The following COL5A1 variants were observed in gnomAD, a reference collection of about 807,000 sequenced individuals.
COL5A1 encodes the protein collagen type V alpha 1 chain, also known as collagen alpha-1(V) chain.
Under a neutral mutation model 263.7 loss-of-function variants are expected in COL5A1, and 16 were observed. That is an observed-to-expected ratio of 0.06 (90% confidence interval 0.04 to 0.09). The LOEUF is 0.09. Among genes scored for constraint, COL5A1 ranks in the 10% least tolerant of loss-of-function variants. COL5A1 has a pLI of 1.00. For missense variants in COL5A1, 2,036 were observed against 2,540.5 expected (o/e 0.80, Z 4.27); for synonymous variants, 1,012 against 1,004.5 (o/e 1.01, Z -0.14).
rs543497705 is a variant in COL5A1, at chr9:134,803,736, G to C, written c.3114+741G>C. Among the ~76,000 whole-genome samples, 5 of 152,156 alleles carry C rather than the reference G, an allele frequency of 3.3e-5. No homozygotes were observed. In the East Asian group the frequency reaches 7.7e-4, roughly 24 times the overall value. The stretch of plus-strand genomic sequence containing the variant: ...CGGGCGCCTGTAGTCCCAGCTACTC[G>C]GGAGGCTGAGGCAGCAGAATGGTGT... On this transcript the variant is annotated intron_variant, in intron 39 of 65. Transcript: ENST00000371817.
At position 134,789,416 on chromosome 9, in the gene COL5A1, G is replaced by C. The variant is rs1226614959; in HGVS notation, c.2700+208G>C. ...GGGCTGGGCAGGTATGTGATAGGAA[G>C]GGGCAGAGGCAGGAAGGAAGTGTGC... On this transcript the variant is annotated intron_variant, in intron 32 of 65. Coordinates refer to ENST00000371817, the MANE Select transcript of COL5A1 (RefSeq NM_000093.5). The surrounding 1 kb of genome is among the most constrained non-coding windows in gnomAD (Gnocchi z 4.8). 6.6e-6 allele frequency among the ~76,000 whole-genome samples: 1 copy of C among 152,190 alleles called. No homozygotes were observed. Among genetic ancestry groups the C allele is most frequent in the Non-Finnish European group, 1.5e-5 (1 of 68,034 alleles).
At chr9:134,658,078 T>C (rs1292964517) in intron 1 of COL5A1, among the ~76,000 whole-genome samples, 1 of 151,922 alleles carries the variant, frequency 6.6e-6, no homozygotes, top group Non-Finnish European at 1.5e-5. Context: ...CTTGCCACCG[T>C]CAGGGGACGG....
In COL5A1 at chr9:134,761,113, A is replaced by C. The variant is rs540625971; in HGVS notation, c.1936-812A>C. ...CACACCCCACACATGCACACAACCC[A>C]CACATGCACACTCATACCCCCACAT... On this transcript the variant is annotated intron_variant, in intron 18 of 65. Coordinates refer to ENST00000371817, the MANE Select transcript of COL5A1 (RefSeq NM_000093.5). 3.7e-4 allele frequency among the ~76,000 whole-genome samples: 52 copies of C among 141,898 alleles called. No individual in the cohort carries two copies. The Middle Eastern group carries it at 0.012, about 32-fold the overall frequency. The allele number at this position is 141,898 out of a possible 152,430, so 93.1% of individuals were successfully genotyped here.
In COL5A1 at chr9:134,676,998, T is replaced by C. The variant is rs141672102; in HGVS notation, c.110-13914T>C. Among the ~76,000 whole-genome samples the C allele has an allele frequency of 5.7e-3, 869 of 152,268 alleles. 8 individuals are homozygous for C. The highest frequency in any genetic ancestry group is 0.02 in the African/African-American group (825 of 41,544). On this transcript the variant is annotated intron_variant, in intron 1 of 65. Transcript: ENST00000371817. ...CTAAAGGAGCTCACGGTCTGGGAAA[T>C]AGCAAGTCCCTTGGAGCACCTGCTG...
At chr9:134,808,566 CGT>C (rs1040502558) in intron 42 of COL5A1, among the ~76,000 whole-genome samples, 32 of 149,296 alleles carry the variant, frequency 2.1e-4, no homozygotes, top group African/African-American at 7.5e-4. Context: ...CATATTCACA[CGT>C]GTGCACATGT....
intron 7 of COL5A1, 92 bp from the exon 8 acceptor site, chr9:134,731,403 AC>A: frequency 7.7e-7 from 1 of 1,294,520 alleles, no homozygotes; most frequent in South Asian, 1.2e-5. Flanking sequence ...TGCCCAGTTG[AC>A]CGGATAGCCA....
intron 11 of COL5A1, among the ~76,000 whole-genome samples, chr9:134,739,012 C>T (rs1480042531): frequency 1.3e-5 from 2 of 152,178 alleles, no homozygotes; most frequent in Non-Finnish European, 2.9e-5. Context: ...GAGAGTGGGG[C>T]CCCTCGGGGC....
chr9:134,669,465 G>A (rs1016801209), intron 1 of COL5A1, among the ~76,000 whole-genome samples: 2 of 151,832 alleles, frequency 1.3e-5, no homozygotes, highest in African/African-American at 4.8e-5. Flanking sequence ...CTACCATAGC[G>A]ATTGGCATTT....
chr9:134,728,928 G>T, intron 6 of COL5A1, 121 bp downstream of exon 6: 1 of 1,319,850 alleles, frequency 7.6e-7, no homozygotes, highest in Non-Finnish European at 1.1e-6. Flanking sequence ...TGAAGGTTGC[G>T]GGGGCAGCTC....
At chr9:134,699,848 A>G (rs1833605957) in intron 2 of COL5A1, 61 bp from the exon 3 acceptor site, 3 of 1,537,174 alleles carry the variant, frequency 2.0e-6, no homozygotes, top group African/African-American at 1.4e-5. Context: ...GCAGAGAGCC[A>G]TGGCTGGGTG....
At chr9:134,823,494 A>G (rs2132879580) in intron 61 of COL5A1, 25 bp downstream of exon 61, 1 of 1,613,420 alleles carries the variant, frequency 6.2e-7, no homozygotes, top group East Asian at 2.2e-5. Flanking sequence ...AAGCCCAGAA[A>G]GCGGGACGGG....
At chr9:134,761,185 C>G (rs1836420277) in intron 18 of COL5A1, among the ~76,000 whole-genome samples, 1 of 149,202 alleles carries the variant, frequency 6.7e-6, no homozygotes, top group Non-Finnish European at 1.5e-5. Flanking sequence ...CACATATGCA[C>G]CCCCCATCCC....
intron 1 of COL5A1, 61 bp from the exon 2 acceptor site, chr9:134,690,851 G>A (rs1833253007): frequency 6.9e-6 from 11 of 1,600,110 alleles, no homozygotes; most frequent in African/African-American, 1.3e-5. Context: ...CCAGCTTCCG[G>A]GTGTTCCCAG....
At chr9:134,817,713 C>T in intron 53 of COL5A1, 65 bp from the exon 54 acceptor site, 1 of 1,495,080 alleles carries the variant, frequency 6.7e-7, no homozygotes, top group Non-Finnish European at 9.2e-7. Flanking sequence ...AGCGCCTGCA[C>T]CCGAGCTCGT....
At chr9:134,756,898 G>A in intron 17 of COL5A1, 80 bp downstream of exon 17, 1 of 1,362,048 alleles carries the variant, frequency 7.3e-7, no homozygotes, top group Non-Finnish European at 1.1e-6. Flanking sequence ...CCAAAATGCT[G>A]GTTATGTGAT....
chr9:134,759,102 G>A (rs535954608), intron 18 of COL5A1, among the ~76,000 whole-genome samples: 25 of 152,124 alleles, frequency 1.6e-4, no homozygotes, highest in African/African-American at 6.0e-4. Flanking sequence ...CTTGTGGGGT[G>A]TTCCTTCTCT....
chr9:134,725,403 A>C (rs184719840), intron 4 of COL5A1, among the ~76,000 whole-genome samples: 279 of 152,318 alleles, frequency 1.8e-3, no homozygotes, highest in African/African-American at 6.1e-3. Context: ...CTAATTCGTC[A>C]TCACTGTCAT....
In COL5A1 at chr9:134,822,085, G is replaced by T. The variant is rs933930921; in HGVS notation, c.4555-12G>T. On this transcript the variant is annotated splice_polypyrimidine_tract_variant and intron_variant, in intron 58 of 65. Transcript: ENST00000371817. ...CTGAAGGTGATAACCTGCATTTTCT[G>T]GTCCTTTTCAGGGTATCACTGGTCC... is the stretch of plus-strand genomic sequence containing the variant. 2 of 1,613,340 alleles carry T rather than the reference G, an allele frequency of 1.2e-6. No individual in the cohort carries two copies. Among genetic ancestry groups the T allele is most frequent in the African/African-American group, 2.7e-5 (2 of 74,898 alleles).
At chr9:134,646,099 C>G (rs949884383) in intron 1 of COL5A1, among the ~76,000 whole-genome samples, 1 of 152,160 alleles carries the variant, frequency 6.6e-6, no homozygotes, top group Non-Finnish European at 1.5e-5. Context: ...TCCCAGGCCT[C>G]TCTGCACATC....
Sources: gnomAD v4.1 joint callset for allele counts (sites outside exome capture counted in the v4.1 genomes callset) on GRCh38, gnomAD v4.1.1 for gene constraint, Gnocchi (gnomAD v3.1) non-coding constraint, MANE v1.5 for transcripts, NCBI Gene and HGNC (gene_info 2026-07-23, HGNC 2026-07-21) for gene names.